EYS: variants seen among roughly 807,000 people sequenced by gnomAD.
EYS encodes the protein protein eyes shut homolog.
In EYS, 250 loss-of-function variants were observed where a neutral mutation model predicts 282.1. The observed-to-expected ratio is 0.89, with a 90% CI of 0.80 to 0.98. EYS has a LOEUF of 0.98. Ranked by LOEUF, EYS falls within the 50% of genes least tolerant of loss-of-function variation. The probability of loss-of-function intolerance (pLI) is 0.00; values close to 1 mark genes in which losing one functional copy is unlikely to be tolerated. For missense variants in EYS, 4,016 were observed against 3,709.0 expected (o/e 1.08, Z -2.15); for synonymous variants, 1,355 against 1,282.9 (o/e 1.06, Z -1.20).
intron 31 of EYS, among the ~76,000 whole-genome samples, chr6:64,158,907 A>C (rs1775015246): frequency 1.3e-5 from 2 of 152,252 alleles, no homozygotes; most frequent in Non-Finnish European, 2.9e-5. Flanking sequence ...TTATTCAACA[A>C]ACATTTAGTG....
chr6:65,136,108 C>T (rs576066211), intron 12 of EYS, among the ~76,000 whole-genome samples: 33 of 151,940 alleles, frequency 2.2e-4, no homozygotes, highest in Non-Finnish European at 4.0e-4. Context: ...GTCAATGTGG[C>T]CTTCTCCTTG....
intron 5 of EYS, among the ~76,000 whole-genome samples, chr6:65,457,179 T>C (rs1402773305): frequency 6.6e-6 from 1 of 152,174 alleles, no homozygotes; most frequent in Non-Finnish European, 1.5e-5. Flanking sequence ...ATTTATTTAT[T>C]TTTTTAGACT....
chr6:64,339,224 G>A (rs1007382256), intron 29 of EYS, among the ~76,000 whole-genome samples: 2 of 151,600 alleles, frequency 1.3e-5, no homozygotes, highest in African/African-American at 2.4e-5. Context: ...TCTTCACAAT[G>A]TATATATCTG....
At chr6:64,089,527 T>TAA (rs1772281391) in intron 31 of EYS, among the ~76,000 whole-genome samples, 1 of 145,516 alleles carries the variant, frequency 6.9e-6, no homozygotes, top group Non-Finnish European at 1.5e-5. Context: ...TAATATAGTA[T>TAA]ATATAAATTA....
rs1770525345 is a variant in EYS at position 64,328,739 on chromosome 6, G to C, written c.6079-21657C>G. Among the ~76,000 whole-genome samples, 3 of 152,324 alleles carry C rather than the reference G, an allele frequency of 2.0e-5. No individual in the cohort carries two copies. The South Asian group carries it at 6.2e-4, about 32-fold the overall frequency. On this transcript the variant is annotated intron_variant, in intron 29 of 42. Transcript: ENST00000503581. Reference sequence around the variant, plus strand: ...AGAGAGAAGCCAGACACAGAGCTAAGGAAAAGGCAGACTTGCTGGTGGCAG... The same window carrying C: ...AGAGAGAAGCCAGACACAGAGCTAACGAAAAGGCAGACTTGCTGGTGGCAG...
At chr6:64,375,161 G>T (rs1554150320) in intron 29 of EYS, among the ~76,000 whole-genome samples, 3 of 152,134 alleles carry the variant, frequency 2.0e-5, no homozygotes, top group Admixed American at 1.3e-4. Flanking sequence ...AATATATTTT[G>T]TTAATTAGTA....
intron 22 of EYS, among the ~76,000 whole-genome samples, chr6:64,798,388 G>A (rs1027657184): frequency 6.6e-6 from 1 of 151,848 alleles, no homozygotes; most frequent in African/African-American, 2.4e-5. Flanking sequence ...AGCTATTTAT[G>A]GATCTACAGA....
chr6:63,741,810 C>T, intron 41 of EYS: 1 of 642,236 alleles, frequency 1.6e-6, no homozygotes, highest in South Asian at 1.7e-5. Context: ...ATTCTAAGCT[C>T]CAATCCTTTT....
chr6:64,843,019 C>A (rs1297024578), intron 19 of EYS, among the ~76,000 whole-genome samples: 2 of 152,064 alleles, frequency 1.3e-5, no homozygotes, highest in Non-Finnish European at 2.9e-5. Flanking sequence ...CATGGCCACC[C>A]CTCTCATCAC....
intron 1 of EYS, among the ~76,000 whole-genome samples, chr6:65,648,096 G>A (rs1285006620): frequency 3.3e-5 from 5 of 152,062 alleles, no homozygotes; most frequent in East Asian, 1.9e-4. Context: ...AAACTAATAC[G>A]ACCACTATGG....
At chr6:65,006,805 C>T (rs183135395) in intron 13 of EYS, among the ~76,000 whole-genome samples, 2 of 152,086 alleles carry the variant, frequency 1.3e-5, no homozygotes, top group African/African-American at 4.8e-5. Context: ...GAAAAATTGC[C>T]TAATAATTGG....
chr6:64,596,739 C>T (rs1766599377), intron 24 of EYS, among the ~76,000 whole-genome samples: 1 of 151,970 alleles, frequency 6.6e-6, no homozygotes, highest in African/African-American at 2.4e-5. Flanking sequence ...AGCATAAGAC[C>T]CCAAGCTATA....
intron 28 of EYS, among the ~76,000 whole-genome samples, chr6:64,413,304 G>A (rs1287113906): frequency 6.6e-6 from 1 of 152,042 alleles, no homozygotes; most frequent in Admixed American, 6.6e-5. Flanking sequence ...CCTGCAGTTG[G>A]TAATGGCTTC....
intron 12 of EYS, among the ~76,000 whole-genome samples, chr6:65,287,039 C>T (rs985612458): frequency 1.3e-5 from 2 of 151,284 alleles, no homozygotes; most frequent in Admixed American, 1.3e-4. Context: ...GGATTTCCCG[C>T]AGGAAGCTCA....
intron 2 of EYS, among the ~76,000 whole-genome samples, chr6:65,564,073 A>G (rs1433967355): frequency 6.6e-6 from 1 of 152,168 alleles, no homozygotes; most frequent in African/African-American, 2.4e-5. Context: ...AAGGGATGTG[A>G]AGGACCGCTT....
chr6:65,437,011 C>A (rs1562180552), intron 5 of EYS, among the ~76,000 whole-genome samples: 1 of 152,046 alleles, frequency 6.6e-6, no homozygotes, highest in Non-Finnish European at 1.5e-5. Flanking sequence ...AATTAGAAAT[C>A]TACAGTAAGT....
At chr6:64,317,399 C>G (rs1770017275) in intron 29 of EYS, among the ~76,000 whole-genome samples, 1 of 137,950 alleles carries the variant, frequency 7.2e-6, no homozygotes, top group Admixed American at 7.5e-5. Context: ...CCAAAGAAGA[C>G]ATTTATGCAG....
chr6:64,125,175 T>TCTCGCGCGCGCGCG (rs1562213596), intron 31 of EYS, among the ~76,000 whole-genome samples: 1 of 150,306 alleles, frequency 6.7e-6, no homozygotes, highest in African/African-American at 2.5e-5. Flanking sequence ...TCTCTCTCTC[T>TCTCGCGCGCGCGCG]CGCTCTCTCT....
At chr6:64,445,108 T>C (rs1775077352) in intron 26 of EYS, among the ~76,000 whole-genome samples, 1 of 152,222 alleles carries the variant, frequency 6.6e-6, no homozygotes, top group Non-Finnish European at 1.5e-5. Flanking sequence ...TTAAATGTGC[T>C]TGGAAAATTA....
Sources: allele counts gnomAD v4.1 joint callset (sites outside exome capture counted in the v4.1 genomes callset), GRCh38; gene constraint gnomAD v4.1.1; transcripts MANE v1.5; gene names NCBI Gene and HGNC (gene_info 2026-07-23, HGNC 2026-07-21).